FBXO42: variants seen among roughly 807,000 people sequenced by gnomAD.
The protein encoded by FBXO42 is F-box protein 42, also known as F-box only protein 42.
Under a neutral mutation model 71.7 loss-of-function variants are expected in FBXO42, and 12 were observed. The ratio of observed to expected loss-of-function variants is 0.17; its 90% CI spans 0.11 to 0.27. The LOEUF is 0.27. Ranked by LOEUF, FBXO42 falls within the 10% of genes least tolerant of loss-of-function variation. The pLI, the probability that FBXO42 is intolerant of heterozygous loss-of-function variation, is 1.00. For missense variants in FBXO42, 707 were observed against 911.9 expected, an observed-to-expected ratio of 0.78 and a Z score of 2.89; for synonymous variants, 325 against 327.5, an observed-to-expected ratio of 0.99 and a Z score of 0.08.
At chr1:16,348,372 T>C (rs1014111138) in intron 1 of FBXO42, among the ~76,000 whole-genome samples, 2 of 152,172 alleles carry the variant, frequency 1.3e-5, no homozygotes, top group African/African-American at 2.4e-5. Flanking sequence ...TCAAAGCTAC[T>C]AGCAACACCA....
chr1:16,326,014 TTGTGTG>T lies in FBXO42; in HGVS notation c.-17-10585_-17-10580del, dbSNP rs34752325. Among the ~76,000 whole-genome samples the T allele has an allele frequency of 4.0e-3, 554 of 137,526 alleles. 8 individuals are homozygous for T. The highest frequency in any genetic ancestry group is 0.014 in the South Asian group (59 of 4,226). 90.2% of individuals were successfully genotyped at this position (137,526 alleles called of 152,430 possible). A position where few individuals can be genotyped will look rare whatever the true frequency, so the allele number is the denominator to read the frequency against. On this transcript the variant is annotated intron_variant, in intron 1 of 9. Coordinates refer to ENST00000375592, the MANE Select transcript of FBXO42 (RefSeq NM_018994.3). ...TAAAATGGAACTTCAGTGCCCAAAT[TTGTGTG>T]TGTGTGTGTGTGTGTGTGTGTGTGT...
chr1:16,325,663 G>A (rs1343982678), intron 1 of FBXO42, among the ~76,000 whole-genome samples: 1 of 151,256 alleles, frequency 6.6e-6, no homozygotes, highest in Non-Finnish European at 1.5e-5. Context: ...TCTTTTTTTT[G>A]TTGTTTTGTT....
chr1:16,321,207 G>A (rs1057116379), intron 1 of FBXO42, among the ~76,000 whole-genome samples: 8 of 152,132 alleles, frequency 5.3e-5, no homozygotes, highest in Admixed American at 2.6e-4. Flanking sequence ...ATACCTTTGA[G>A]GGCATGTTTG....
chr1:16,317,146 AG>A (rs1200374674), intron 1 of FBXO42, among the ~76,000 whole-genome samples: 1 of 152,068 alleles, frequency 6.6e-6, no homozygotes. Flanking sequence ...GGCCGGGCGC[AG>A]TGGCTCACAC....
intron 2 of FBXO42, among the ~76,000 whole-genome samples, chr1:16,309,401 C>A (rs2082289494): frequency 6.6e-6 from 1 of 151,716 alleles, no homozygotes; most frequent in African/African-American, 2.4e-5. Flanking sequence ...AAGAAAAAAA[C>A]CTTTTCCAAA....
rs373745175 is a variant in FBXO42 at position 16,281,209 on chromosome 1, G to A, written c.502+13574C>T. ...ACTCCTGACCTCAGGTGATCCGCCC[G>A]CCTCGGCCTCCCAAAGTGCTGGGAT... is the stretch of plus-strand genomic sequence containing the variant. On this transcript the variant is annotated intron_variant, in intron 4 of 9. Coordinates refer to ENST00000375592, the MANE Select transcript of FBXO42 (RefSeq NM_018994.3). Among the ~76,000 whole-genome samples, 13 of 152,262 alleles carry A rather than the reference G, an allele frequency of 8.5e-5. No individual in the cohort carries two copies. In the East Asian group the frequency reaches 1.9e-3, roughly 23 times the overall value.
At chr1:16,350,752 A>AGAAAG (rs1482029191) in intron 1 of FBXO42, among the ~76,000 whole-genome samples, 5 of 131,550 alleles carry the variant, frequency 3.8e-5, no homozygotes, top group Non-Finnish European at 5.2e-5. Context: ...GCAAAAAAAA[A>AGAAAG]AAAAAAAAGA....
intron 3 of FBXO42, among the ~76,000 whole-genome samples, chr1:16,298,022 T>TC (rs1387416676): frequency 6.6e-6 from 1 of 152,052 alleles, no homozygotes; most frequent in African/African-American, 2.4e-5. Context: ...GGTCAGGAGT[T>TC]CGAGTCCAGC....
intron 1 of FBXO42, among the ~76,000 whole-genome samples, chr1:16,351,918 C>T (rs894877291): frequency 1.3e-5 from 2 of 152,162 alleles, no homozygotes; most frequent in African/African-American, 4.8e-5. Flanking sequence ...GTGAAATGTT[C>T]GGAGGAGCGA....
intron 1 of FBXO42, among the ~76,000 whole-genome samples, chr1:16,338,624 G>T (rs2082574955): frequency 6.6e-6 from 1 of 151,740 alleles, no homozygotes. Context: ...CCAGTAGCAT[G>T]GTAAAAACAG....
intron 4 of FBXO42, among the ~76,000 whole-genome samples, chr1:16,263,244 C>T (rs1031111815): frequency 2.6e-5 from 4 of 151,530 alleles, no homozygotes; most frequent in Admixed American, 2.0e-4. Flanking sequence ...GGGCGGATCA[C>T]GAGGTCAGGA....
Position 16,350,753 on chromosome 1 carries a change from A to AGAAAGAAAGAAAGAAAGAAAG in FBXO42, c.-18+1501_-18+1502insCTTTCTTTCTTTCTTTCTTTC, listed in dbSNP as rs1553156680. Among the ~76,000 whole-genome samples, 83 of 28,854 alleles carry AGAAAGAAAGAAAGAAAGAAAG rather than the reference A, an allele frequency of 2.9e-3. 5 individuals carry two copies. The highest frequency in any genetic ancestry group is 0.021 in the Middle Eastern group (1 of 48). 18.9% of individuals were successfully genotyped at this position (28,854 alleles called of 152,430 possible). On this transcript the variant is annotated intron_variant, in intron 1 of 9. Transcript: ENST00000375592. ...CAGAGTGAGAAACTGCAAAAAAAAA[A>AGAAAGAAAGAAAGAAAGAAAG]AAAAAAAGAAAGAAAGAAAGAAAGA...
Position 16,305,835 on chromosome 1 carries a change from G to A in FBXO42, c.335C>T (p.Pro112Leu). ...GAAGCGCTGAGTGATTGGGGTTCCA[G>A]GATAAGGATAGGTACGGCTCTCCCA... The part of the protein sequence containing the change: ...IQWESRTYPY[P>L]GTPITQRFSH... The change falls in exon 3 of 10, where the codon CCT becomes CTT. Residue 112 changes from proline to leucine, a missense_variant. By Grantham distance (98) the Pro-to-Leu change is moderately conservative (BLOSUM62 -3). Transcript: ENST00000375592. The A allele has an allele frequency of 5.6e-6, 9 of 1,614,130 alleles. No homozygotes were observed. The highest frequency in any genetic ancestry group is 7.6e-6 in the Non-Finnish European group (9 of 1,179,982).
chr1:16,260,649 A>G (rs2081701592), intron 4 of FBXO42, among the ~76,000 whole-genome samples: 1 of 152,192 alleles, frequency 6.6e-6, no homozygotes, highest in African/African-American at 2.4e-5. Flanking sequence ...TCGTAGAACT[A>G]ATAAGTGAAG....
At chr1:16,288,215 A>T (rs902528128) in intron 4 of FBXO42, among the ~76,000 whole-genome samples, 1 of 151,840 alleles carries the variant, frequency 6.6e-6, no homozygotes, top group African/African-American at 2.4e-5. Context: ...ACGGATCACG[A>T]GGTCAAGAGA....
intron 4 of FBXO42, among the ~76,000 whole-genome samples, chr1:16,280,689 C>G (rs2081954455): frequency 6.6e-6 from 1 of 152,032 alleles, no homozygotes; most frequent in African/African-American, 2.4e-5. Context: ...GAAAGAGGAT[C>G]ACCTGAACCC....
intron 4 of FBXO42, among the ~76,000 whole-genome samples, chr1:16,260,397 C>G (rs559416382): frequency 2.0e-5 from 3 of 151,900 alleles, no homozygotes; most frequent in African/African-American, 7.3e-5. Context: ...TTAGTAGAGA[C>G]GGGGTTTCAC....
intron 4 of FBXO42, among the ~76,000 whole-genome samples, chr1:16,289,002 C>T (rs2082051032): frequency 2.0e-5 from 3 of 151,488 alleles, no homozygotes; most frequent in African/African-American, 7.3e-5. Flanking sequence ...CTGATATATG[C>T]TCATCTGAGT....
intron 4 of FBXO42, 135 bp downstream of exon 4, chr1:16,294,648 A>T: frequency 1.2e-6 from 1 of 814,180 alleles, no homozygotes; most frequent in Non-Finnish European, 1.9e-6. Context: ...ATTATCATTT[A>T]CATGGCACAT....
Sources: allele counts gnomAD v4.1 joint callset (sites outside exome capture counted in the v4.1 genomes callset), GRCh38; gene constraint gnomAD v4.1.1; transcripts MANE v1.5; gene names NCBI Gene and HGNC (gene_info 2026-07-23, HGNC 2026-07-21).